ROBO1: variants seen among roughly 807,000 people sequenced by gnomAD.
The protein encoded by ROBO1 is roundabout homolog 1.
In ROBO1, 149 loss-of-function variants were observed where a neutral mutation model predicts 195.9. That is an observed-to-expected ratio of 0.76 (90% CI 0.67 to 0.87). The LOEUF is 0.87. Ranked by LOEUF, ROBO1 falls within the 40% of genes least tolerant of loss-of-function variation. The pLI, the probability that ROBO1 is intolerant of heterozygous loss-of-function variation, is 0.00. For synonymous variants in ROBO1, 816 were observed against 733.2 expected (o/e 1.11, Z -1.82); for missense variants, 1,933 against 2,068.3 (o/e 0.93, Z 1.27).
At chr3:79,308,595 C>T (rs1188462560) in intron 2 of ROBO1, among the ~76,000 whole-genome samples, 3 of 151,844 alleles carry the variant, frequency 2.0e-5, no homozygotes, top group Non-Finnish European at 4.4e-5. Context: ...GTGAAAAGTT[C>T]TATTAAAAAA....
chr3:79,723,641 T>G (rs922728650), intron 1 of ROBO1, among the ~76,000 whole-genome samples: 2 of 152,182 alleles, frequency 1.3e-5, no homozygotes, highest in African/African-American at 4.8e-5. Flanking sequence ...TTCATTGTTT[T>G]AGATATTTTA....
At chr3:78,910,734 A>G (rs899852356) in intron 4 of ROBO1, among the ~76,000 whole-genome samples, 13 of 151,738 alleles carry the variant, frequency 8.6e-5, no homozygotes, top group African/African-American at 2.7e-4. Flanking sequence ...AATATTTTAC[A>G]TATTACTTTG....
intron 2 of ROBO1, among the ~76,000 whole-genome samples, chr3:79,557,154 A>G (rs1400946661): frequency 6.6e-6 from 1 of 151,892 alleles, no homozygotes; most frequent in Non-Finnish European, 1.5e-5. Context: ...TGTGTTTAAA[A>G]TTATTAAATT....
At chr3:79,035,933 TAG>T (rs1177212709) in intron 3 of ROBO1, among the ~76,000 whole-genome samples, 1 of 152,146 alleles carries the variant, frequency 6.6e-6, no homozygotes, top group African/African-American at 2.4e-5. Flanking sequence ...TCAAGTTATT[TAG>T]AGATATGTTA....
chr3:79,703,816 T>C (rs1460858135), intron 1 of ROBO1, among the ~76,000 whole-genome samples: 1 of 152,040 alleles, frequency 6.6e-6, no homozygotes, highest in Non-Finnish European at 1.5e-5. Flanking sequence ...GGCCTAATAC[T>C]TCTATTTTTG....
rs536199275 is a variant in ROBO1 at position 79,719,933 on chromosome 3, T to A, written c.-51+47819A>T. Among the ~76,000 whole-genome samples the A allele has an allele frequency of 1.7e-4, 26 of 152,296 alleles. No homozygotes were observed. The East Asian group carries it at 3.5e-3, about 20-fold the overall frequency. Reference sequence around the variant, plus strand: ...GTTCATATTTGAGGGAGAGCATAGATCCTTTTGGTAGTTGGGTAAAGACTA... The same window carrying A: ...GTTCATATTTGAGGGAGAGCATAGAACCTTTTGGTAGTTGGGTAAAGACTA... On this transcript the variant is annotated intron_variant, in intron 1 of 30. Transcript: ENST00000464233.
intron 2 of ROBO1, among the ~76,000 whole-genome samples, chr3:79,561,086 T>C (rs764146323): frequency 5.5e-5 from 8 of 146,646 alleles, no homozygotes; most frequent in Admixed American, 1.4e-4. Flanking sequence ...GCATCGTGGC[T>C]ACTGTCACCA....
intron 3 of ROBO1, among the ~76,000 whole-genome samples, chr3:79,091,379 A>G (rs115392443): frequency 7.0e-4 from 107 of 152,078 alleles, no homozygotes; most frequent in African/African-American, 2.4e-3. Context: ...ATATATGGAG[A>G]AAAAAAAGAA....
chr3:78,868,225 T>A (rs2035301707), intron 4 of ROBO1, among the ~76,000 whole-genome samples: 1 of 152,118 alleles, frequency 6.6e-6, no homozygotes. Flanking sequence ...TTCAGTAATG[T>A]ACTGAAAAGA....
chr3:79,031,110 C>T (rs116050587), intron 3 of ROBO1, among the ~76,000 whole-genome samples: 179 of 152,260 alleles, frequency 1.2e-3, no homozygotes, highest in African/African-American at 4.2e-3. Flanking sequence ...ACCATTGAAT[C>T]GGCATGGACA....
chr3:79,615,541 G>A (rs949711475), intron 1 of ROBO1, among the ~76,000 whole-genome samples: 4 of 152,090 alleles, frequency 2.6e-5, no homozygotes, highest in East Asian at 1.9e-4. Context: ...AGATCTGTCC[G>A]AAATAATTTT....
chr3:79,141,634 T>C (rs1361992732), intron 2 of ROBO1, among the ~76,000 whole-genome samples: 1 of 148,984 alleles, frequency 6.7e-6, no homozygotes, highest in African/African-American at 2.5e-5. Context: ...CACTTCTCCA[T>C]AGAGGGAGGC....
At chr3:79,645,565 A>G (rs995459627) in intron 1 of ROBO1, among the ~76,000 whole-genome samples, 1 of 152,142 alleles carries the variant, frequency 6.6e-6, no homozygotes, top group Non-Finnish European at 1.5e-5. Context: ...CAATTTGCAG[A>G]TCCAATGCAA....
chr3:78,817,685 AT>A (rs1242217023), intron 4 of ROBO1, among the ~76,000 whole-genome samples: 1 of 152,204 alleles, frequency 6.6e-6, no homozygotes, highest in African/African-American at 2.4e-5. Context: ...ATACTCAAAG[AT>A]TTTTTTGAAT....
intron 2 of ROBO1, among the ~76,000 whole-genome samples, chr3:79,320,036 A>T (rs970785998): frequency 3.3e-5 from 5 of 152,208 alleles, no homozygotes; most frequent in African/African-American, 9.6e-5. Flanking sequence ...GGAGAAACAT[A>T]TGTAATGTCT....
chr3:78,973,761 C>T (rs543590262), intron 3 of ROBO1, among the ~76,000 whole-genome samples: 5 of 151,478 alleles, frequency 3.3e-5, no homozygotes, highest in African/African-American at 1.2e-4. Flanking sequence ...TTAATTTATT[C>T]AGATGAAAAA....
chr3:79,508,412 A>C (rs185023978), intron 2 of ROBO1, among the ~76,000 whole-genome samples: 18 of 152,306 alleles, frequency 1.2e-4, no homozygotes, highest in Non-Finnish European at 2.4e-4. Flanking sequence ...TCTAGCCTCG[A>C]AAATTGTAAG....
At chr3:79,763,299 T>C (rs1460872826) in intron 1 of ROBO1, among the ~76,000 whole-genome samples, 1 of 152,148 alleles carries the variant, frequency 6.6e-6, no homozygotes, top group South Asian at 2.1e-4. Context: ...TAGAAATTTA[T>C]AGTTGATGGA....
chr3:79,045,867 G>T (rs902886812), intron 3 of ROBO1, among the ~76,000 whole-genome samples: 1 of 152,024 alleles, frequency 6.6e-6, no homozygotes, highest in Admixed American at 6.6e-5. Flanking sequence ...CTACACAAGA[G>T]ATTCGTGAAT....
Sources: gnomAD v4.1 joint callset for allele counts (sites outside exome capture counted in the v4.1 genomes callset) on GRCh38, gnomAD v4.1.1 for gene constraint, MANE v1.5 for transcripts, NCBI Gene and HGNC (gene_info 2026-07-23, HGNC 2026-07-21) for gene names.